MOB3C: variants seen among roughly 807,000 people sequenced by gnomAD.
The protein encoded by MOB3C is MOB kinase activator 3C, also known as MOB1, Mps One Binder kinase activator-like 2C.
In MOB3C, 17 loss-of-function variants were observed where a neutral mutation model predicts 19.8. The observed-to-expected ratio is 0.86, with a 90% confidence interval of 0.59 to 1.29. MOB3C has a LOEUF of 1.29. MOB3C is among the 50% of genes most tolerant of loss of function. MOB3C has a pLI of 0.00. For missense variants in MOB3C, 291 were observed against 301.9 expected (o/e 0.96, Z 0.27); for synonymous variants, 101 against 119.2 (o/e 0.85, Z 0.99).
Position 46,613,261 on chromosome 1 carries a change from A to C in MOB3C, c.61T>G (p.Phe21Val). 1.2e-6 allele frequency: 2 copies of C among 1,613,608 alleles called. No individual in the cohort carries two copies. The highest frequency in any genetic ancestry group is 1.1e-5 in the South Asian group (1 of 91,076). ...KDKTFRPRKRFEPGTQRFELY... is the reference protein window; with the variant it reads ...KDKTFRPRKRVEPGTQRFELY... ...TCAAAGCGCTGTGTGCCCGGCTCAA[A>C]GCGCTTCCGCGGCCGGAACGTCTTG... is the stretch of plus-strand genomic sequence containing the variant. The change falls in exon 2 of 4, where the codon TTT becomes GTT. Residue 21 changes from phenylalanine (F) to valine (V), a missense_variant. Coordinates refer to ENST00000319928, the MANE Select transcript of MOB3C (RefSeq NM_201403.3).
chr1:46,610,010 C>G lies in MOB3C; in HGVS notation c.613G>C (p.Glu205Gln). Residue 205 changes from glutamate (E) to glutamine (Q), a missense_variant, in exon 3 of 4, where the codon GAG becomes CAG. Coordinates refer to ENST00000319928, the MANE Select transcript of MOB3C (RefSeq NM_201403.3). ...GTAGGGCTTGGCCTCACCAGTGGCT[C>G]CAGCTCCCGCTGGTCCACCAGACTG... is the stretch of plus-strand genomic sequence containing the variant. Reference protein sequence around the residue: ...EFSLVDQRELEPLREMTERIC... With the variant: ...EFSLVDQRELQPLREMTERIC... 1 of 1,614,228 alleles carries G rather than the reference C, an allele frequency of 6.2e-7. No homozygotes were observed. The highest frequency in any genetic ancestry group is 8.5e-7 in the Non-Finnish European group (1 of 1,180,052).
chr1:46,613,921 C>T (rs1436970729), intron 1 of MOB3C: 1 of 152,530 alleles, frequency 6.6e-6, no homozygotes, highest in Non-Finnish European at 1.5e-5. Flanking sequence ...TTTTTTTCAC[C>T]CTGAAAGAGG....
chr1:46,615,185 CAGTT>C (rs1675539582), intron 1 of MOB3C: 1 of 838,348 alleles, frequency 1.2e-6, no homozygotes. Flanking sequence ...CCCTTTATGA[CAGTT>C]AGAAATAGGC....
chr1:46,613,151 G>A lies in MOB3C; in HGVS notation c.171C>T (p.Asp57=). The change falls in exon 2 of 4, where the codon GAC becomes GAT. Residue 57 remains aspartate (D), a synonymous_variant. Coordinates refer to ENST00000319928, the MANE Select transcript of MOB3C (RefSeq NM_201403.3). ...VVRLPPGENI[D]DWIAVHVVDF... The stretch of plus-strand genomic sequence containing the variant: ...CCACCACGTGCACGGCGATCCAGTC[G>A]TCGATGTTCTCCCCGGGTGGTAGCC... 1.2e-6 allele frequency: 2 copies of A among 1,614,250 alleles called. No individual in the cohort carries two copies. The highest frequency in any genetic ancestry group is 1.1e-5 in the South Asian group (1 of 91,090).
In MOB3C at chr1:46,610,080, G is replaced by A. The variant is rs368248591; in HGVS notation, c.543C>T (p.His181=). 151 of 1,614,086 alleles carry A rather than the reference G, an allele frequency of 9.4e-5. No individual in the cohort carries two copies. Among genetic ancestry groups the A allele is most frequent in the Middle Eastern group, 3.3e-4 (2 of 6,084 alleles). Reference sequence around the variant, plus strand: ...AGAAGTGCTTGTAGCAGGTGTTGACGTGCGCCTCTGCCCCCATGCTGAGGA... The same window carrying A: ...AGAAGTGCTTGTAGCAGGTGTTGACATGCGCCTCTGCCCCCATGCTGAGGA... ...DSILSMGAEA[H]VNTCYKHFYY... is the part of the protein sequence containing the mutation. Residue 181 remains histidine (H), a synonymous_variant, in exon 3 of 4, where the codon CAC becomes CAT. Transcript: ENST00000319928.
At chr1:46,613,497 A>C (rs1355318370) in intron 1 of MOB3C, 126 bp from the exon 2 acceptor site, 2 of 932,832 alleles carry the variant, frequency 2.1e-6, no homozygotes, top group African/African-American at 3.3e-5. Flanking sequence ...TCTGCCTGGA[A>C]TCTAAGTCCT....
intron 2 of MOB3C, 92 bp from the exon 3 acceptor site, chr1:46,610,296 C>T: frequency 8.5e-7 from 1 of 1,181,984 alleles, no homozygotes; most frequent in East Asian, 2.4e-5. Flanking sequence ...ACCAGGATGG[C>T]TTTTTCCCCA....
chr1:46,611,052 C>T lies in MOB3C; in HGVS notation c.419-848G>A, dbSNP rs1331427758. ...CACCCCATGTCCCTCCTCTTTTCAACATTCACACAGAAGTCCTCAGACCCC... is the reference window on the plus strand; with the variant it reads ...CACCCCATGTCCCTCCTCTTTTCAATATTCACACAGAAGTCCTCAGACCCC... On this transcript the variant is annotated intron_variant, in intron 2 of 3. Transcript: ENST00000319928. This position sits in a 1 kb window ranked among gnomAD's most constrained non-coding sequence, Gnocchi z 4.1. Among the ~76,000 whole-genome samples, 1 of 152,212 alleles carries T rather than the reference C, an allele frequency of 6.6e-6. No individual in the cohort carries two copies. The highest frequency in any genetic ancestry group is 1.5e-5 in the Non-Finnish European group (1 of 68,046).
At chr1:46,614,869 A>G (rs1464583991) in intron 1 of MOB3C, 1 of 894,326 alleles carries the variant, frequency 1.1e-6, no homozygotes, top group Non-Finnish European at 1.7e-6. Context: ...CCTTGAACCC[A>G]CAAAGGCAGG....
rs755541058 is a variant in MOB3C, at chr1:46,613,368, T to C, written c.-47A>G. 1.6e-5 allele frequency: 25 copies of C among 1,594,730 alleles called. No homozygotes were observed. The highest frequency in any genetic ancestry group is 1.5e-5 in the Non-Finnish European group (18 of 1,177,132). ...CTGTCCAGGGGCTCGGACCTGAGGA[T>C]ACCCTGCCAGGGACAAGGGCATAGG... On this transcript the variant is annotated 5_prime_UTR_variant, in exon 2 of 4. Transcript: ENST00000319928.
chr1:46,616,421 C>A (rs1675561736), intron 1 of MOB3C: 1 of 152,764 alleles, frequency 6.5e-6, no homozygotes, highest in Non-Finnish European at 1.5e-5. Context: ...CAAACCAGCT[C>A]CCAGGGCCAG....
At chr1:46,614,998 C>G in intron 1 of MOB3C, 1 of 1,612,460 alleles carries the variant, frequency 6.2e-7, no homozygotes, top group Non-Finnish European at 8.5e-7. Context: ...TCATCCATCC[C>G]GACTCTTCGA....
intron 1 of MOB3C, chr1:46,614,918 G>T: frequency 7.3e-7 from 1 of 1,365,430 alleles, no homozygotes; most frequent in Non-Finnish European, 1.0e-6. Flanking sequence ...GAGCAGCTTG[G>T]AGAGTAGAAA....
intron 2 of MOB3C, 123 bp from the exon 3 acceptor site, chr1:46,610,327 C>T (rs998373580): frequency 2.1e-5 from 16 of 754,642 alleles, no homozygotes; most frequent in Non-Finnish European, 3.3e-5. Flanking sequence ...TAGTACACTT[C>T]CCTTTGGAAA....
At chr1:46,614,682 G>A (rs1675531654) in intron 1 of MOB3C, 2 of 339,064 alleles carry the variant, frequency 5.9e-6, no homozygotes, top group East Asian at 5.6e-5. Context: ...GACCTCTGAC[G>A]CTGGAGCACT....
intron 2 of MOB3C, among the ~76,000 whole-genome samples, chr1:46,612,678 G>T (rs4660946): frequency 1.1e-5 from 1 of 92,858 alleles, no homozygotes; most frequent in East Asian, 1.5e-3. Flanking sequence ...AAAAAAGAAA[G>T]AAAGAAAGAA....
intron 2 of MOB3C, among the ~76,000 whole-genome samples, chr1:46,612,665 AAAAAAAAAGAAAG>A (rs1351975552): frequency 7.2e-6 from 1 of 139,512 alleles, no homozygotes; most frequent in African/African-American, 2.6e-5. Flanking sequence ...AAAGAAAAAA[AAAAAAAAAGAAAG>A]AAAGAAAGAA....
chr1:46,616,420 T>A (rs1675561709), intron 1 of MOB3C: 1 of 152,168 alleles, frequency 6.6e-6, no homozygotes, highest in Non-Finnish European at 1.5e-5. Context: ...TCAAACCAGC[T>A]CCCAGGGCCA....
chr1:46,609,401 T>C lies in MOB3C; in HGVS notation c.*254A>G, dbSNP rs1675423747. ...ATAGAAGAAACCCCCTAGCCTACCC[T>C]ACTCCCAGACTTCATGCCAGAGGTT... is the stretch of plus-strand genomic sequence containing the variant. On this transcript the variant is annotated 3_prime_UTR_variant, in exon 4 of 4. Transcript: ENST00000319928. 1.7e-5 allele frequency: 10 copies of C among 582,582 alleles called. No individual in the cohort carries two copies. In the South Asian group the frequency reaches 2.0e-4, roughly 11 times the overall value. 36.1% of individuals were successfully genotyped at this position (582,582 alleles called of 1,614,324 possible).
Sources: allele counts gnomAD v4.1 joint callset (sites outside exome capture counted in the v4.1 genomes callset), GRCh38; gene constraint gnomAD v4.1.1; non-coding constraint Gnocchi (gnomAD v3.1); transcripts MANE v1.5; gene names NCBI Gene and HGNC (gene_info 2026-07-23, HGNC 2026-07-21).